Variants in GALNT18 observed in about 807,000 individuals in gnomAD.
GALNT18 encodes the protein polypeptide N-acetylgalactosaminyltransferase 18.
In GALNT18, 44 loss-of-function variants were observed where a neutral mutation model predicts 69.5. That is an observed-to-expected ratio of 0.63 (90% CI 0.50 to 0.81). GALNT18 has a LOEUF of 0.81. Among genes scored for constraint, GALNT18 ranks in the 40% least tolerant of loss-of-function variants. The pLI, the probability that GALNT18 is intolerant of heterozygous loss-of-function variation, is 0.00. For missense variants in GALNT18, 715 were observed against 810.0 expected (o/e 0.88, Z 1.42); for synonymous variants, 364 against 318.2 (o/e 1.14, Z -1.53).
intron 8 of GALNT18, among the ~76,000 whole-genome samples, chr11:11,327,897 A>G (rs775982939): frequency 1.2e-4 from 18 of 152,318 alleles, no homozygotes; most frequent in Non-Finnish European, 1.9e-4. Flanking sequence ...ACCGGCCACA[A>G]CTGAGTGGAC....
intron 1 of GALNT18, among the ~76,000 whole-genome samples, chr11:11,507,463 T>C (rs1408154744): frequency 6.6e-6 from 1 of 152,114 alleles, no homozygotes; most frequent in African/African-American, 2.4e-5. Context: ...CCTCTTTCTT[T>C]TCCTCCTACT....
chr11:11,335,980 G>T (rs1850104512), intron 7 of GALNT18, among the ~76,000 whole-genome samples: 1 of 152,156 alleles, frequency 6.6e-6, no homozygotes, highest in African/African-American at 2.4e-5. Flanking sequence ...ATGGTAATTT[G>T]TTACCATAGC....
intron 6 of GALNT18, among the ~76,000 whole-genome samples, chr11:11,357,138 C>G (rs1360887192): frequency 1.3e-5 from 2 of 152,134 alleles, no homozygotes; most frequent in African/African-American, 4.8e-5. Flanking sequence ...AGGGAACACC[C>G]TCAAATCGCA....
Position 11,480,919 on chromosome 11 carries a change from T to C in GALNT18, c.236-31983A>G, listed in dbSNP as rs550627221. 2.0e-5 allele frequency among the ~76,000 whole-genome samples: 3 copies of C among 152,184 alleles called. No homozygotes were observed. The highest frequency in any genetic ancestry group is 4.4e-5 in the Non-Finnish European group (3 of 68,022). On this transcript the variant is annotated intron_variant, in intron 1 of 10. Transcript: ENST00000227756. The surrounding 1 kb of genome is among the most constrained non-coding windows in gnomAD (Gnocchi z 4.6). ...CTTGGGAACCTCCAAGAGTGAAATG[T>C]ACCTACAGCCCTGGGCAACCTCATG...
intron 9 of GALNT18, among the ~76,000 whole-genome samples, chr11:11,307,731 C>T (rs142795767): frequency 1.1e-3 from 130 of 119,438 alleles, no homozygotes; most frequent in African/African-American, 4.0e-3. Context: ...AGCAGCTCTT[C>T]AGGAAGGCAT....
chr11:11,504,162 C>T (rs1857025744), intron 1 of GALNT18, among the ~76,000 whole-genome samples: 2 of 152,202 alleles, frequency 1.3e-5, no homozygotes, highest in African/African-American at 2.4e-5. Context: ...AGAGCCTGCA[C>T]ATAGTAAGTG....
At chr11:11,308,903 C>T (rs905220942) in intron 9 of GALNT18, among the ~76,000 whole-genome samples, 11 of 152,044 alleles carry the variant, frequency 7.2e-5, no homozygotes, top group African/African-American at 2.7e-4. Flanking sequence ...CCACCCACAC[C>T]TAGACCCCAG....
At chr11:11,369,173 C>T (rs1239954555) in intron 6 of GALNT18, among the ~76,000 whole-genome samples, 1 of 152,096 alleles carries the variant, frequency 6.6e-6, no homozygotes, top group Non-Finnish European at 1.5e-5. Flanking sequence ...TTTTTTGGTC[C>T]CTGTGTAGGT....
At position 11,618,646 on chromosome 11, in the gene GALNT18, A is replaced by G. The variant is rs1860116856; in HGVS notation, c.235+2713T>C. On this transcript the variant is annotated intron_variant, in intron 1 of 10. Transcript: ENST00000227756. The surrounding 1 kb of genome is among the most constrained non-coding windows in gnomAD (Gnocchi z 6.1). ...ACACTAGCTGAGCTTACATCCCTAT[A>G]CTATCATATACCAGTGTGTGACCCT... Among the ~76,000 whole-genome samples, 1 of 152,136 alleles carries G rather than the reference A, an allele frequency of 6.6e-6. No homozygotes were observed. Among genetic ancestry groups the G allele is most frequent in the Non-Finnish European group, 1.5e-5 (1 of 68,014 alleles).
chr11:11,271,453 A>AT (rs1009768167), intron 10 of GALNT18, among the ~76,000 whole-genome samples, 163 bp from the exon 11 acceptor site: 1 of 152,130 alleles, frequency 6.6e-6, no homozygotes, highest in Non-Finnish European at 1.5e-5. Context: ...TCACTCATAT[A>AT]TTAGTCTCCT....
In GALNT18 at chr11:11,497,977, T is replaced by G. The variant is rs961871837; in HGVS notation, c.236-49041A>C. 2.0e-5 allele frequency among the ~76,000 whole-genome samples: 3 copies of G among 152,158 alleles called. No individual in the cohort carries two copies. The highest frequency in any genetic ancestry group is 4.4e-5 in the Non-Finnish European group (3 of 68,038). On this transcript the variant is annotated intron_variant, in intron 1 of 10. Coordinates refer to ENST00000227756, the MANE Select transcript of GALNT18 (RefSeq NM_198516.3). The surrounding 1 kb of genome is among the most constrained non-coding windows in gnomAD (Gnocchi z 4.2). Reference sequence around the variant, plus strand: ...AAATAAAAAATAAAATTATAATTCATGACTTTTTATATCATCTATGATTTC... The same window carrying G: ...AAATAAAAAATAAAATTATAATTCAGGACTTTTTATATCATCTATGATTTC...
intron 10 of GALNT18, among the ~76,000 whole-genome samples, chr11:11,271,741 C>T (rs938568987): frequency 2.6e-5 from 4 of 152,226 alleles, no homozygotes; most frequent in African/African-American, 9.6e-5. Flanking sequence ...GTCATCAATA[C>T]TGGTTTCAAC....
intron 1 of GALNT18, among the ~76,000 whole-genome samples, chr11:11,557,794 A>G (rs868717812): frequency 2.0e-5 from 3 of 152,196 alleles, no homozygotes; most frequent in African/African-American, 7.2e-5. Context: ...CTCATGCCAC[A>G]TGGCTGGCAC....
In GALNT18 at chr11:11,587,648, T is replaced by C. The variant is rs934359230; in HGVS notation, c.235+33711A>G. 9.9e-5 allele frequency among the ~76,000 whole-genome samples: 15 copies of C among 152,182 alleles called. No individual in the cohort carries two copies. Among genetic ancestry groups the C allele is most frequent in the Admixed American group, 9.2e-4 (14 of 15,288 alleles). On this transcript the variant is annotated intron_variant, in intron 1 of 10. Coordinates refer to ENST00000227756, the MANE Select transcript of GALNT18 (RefSeq NM_198516.3). The surrounding 1 kb of genome is among the most constrained non-coding windows in gnomAD (Gnocchi z 4.4). Reference sequence around the variant, plus strand: ...CTCACCAATGCTGTTTCCAAAGTTATATCCTAGAGAAGTAATACCAGTCAT... The same window carrying C: ...CTCACCAATGCTGTTTCCAAAGTTACATCCTAGAGAAGTAATACCAGTCAT...
intron 1 of GALNT18, among the ~76,000 whole-genome samples, chr11:11,529,156 A>G (rs1857585636): frequency 6.6e-6 from 1 of 152,236 alleles, no homozygotes; most frequent in African/African-American, 2.4e-5. Flanking sequence ...GCATGAGGTC[A>G]CCAGGTACCA....
chr11:11,455,772 T>G (rs558929277), intron 1 of GALNT18, among the ~76,000 whole-genome samples: 11 of 152,274 alleles, frequency 7.2e-5, no homozygotes, highest in African/African-American at 2.6e-4. Context: ...AAGCTCAGCA[T>G]GGTAAGCATC....
chr11:11,349,114 AC>A (rs777285051), intron 6 of GALNT18, among the ~76,000 whole-genome samples: 5 of 152,214 alleles, frequency 3.3e-5, no homozygotes, highest in Non-Finnish European at 7.3e-5. Context: ...ACCAGATTGT[AC>A]ACATCCTGCA....
At position 11,489,048 on chromosome 11, in the gene GALNT18, G is replaced by T. The variant is rs764613542; in HGVS notation, c.236-40112C>A. Among the ~76,000 whole-genome samples the T allele has an allele frequency of 1.8e-4, 27 of 152,238 alleles. 1 individual carries two copies. Among genetic ancestry groups the T allele is most frequent in the Non-Finnish European group, 2.4e-4 (16 of 68,044 alleles). On this transcript the variant is annotated intron_variant, in intron 1 of 10. Coordinates refer to ENST00000227756, the MANE Select transcript of GALNT18 (RefSeq NM_198516.3). Reference sequence around the variant, plus strand: ...ATTAGAGCCCACTGCTGTGGAGTATGATCCAGGCACAGTGAAGTGTGCCCC... The same window carrying T: ...ATTAGAGCCCACTGCTGTGGAGTATTATCCAGGCACAGTGAAGTGTGCCCC...
intron 3 of GALNT18, among the ~76,000 whole-genome samples, chr11:11,407,652 C>T (rs1854621054): frequency 6.6e-6 from 1 of 152,214 alleles, no homozygotes; most frequent in Non-Finnish European, 1.5e-5. Flanking sequence ...CGTGTTATCC[C>T]AGACAGTCAG....
Sources: gnomAD v4.1 joint callset for allele counts (sites outside exome capture counted in the v4.1 genomes callset) on GRCh38, gnomAD v4.1.1 for gene constraint, Gnocchi (gnomAD v3.1) non-coding constraint, MANE v1.5 for transcripts, NCBI Gene and HGNC (gene_info 2026-07-23, HGNC 2026-07-21) for gene names.